Variants in SAFB observed in about 807,000 individuals in gnomAD.
SAFB encodes scaffold attachment factor B.
Under a neutral mutation model 101.6 loss-of-function variants are expected in SAFB, and 15 were observed. The ratio of observed to expected loss-of-function variants is 0.15; its 90% CI spans 0.10 to 0.23. The LOEUF (loss-of-function observed/expected upper bound fraction) is 0.23. SAFB is among the 10% of genes least tolerant of loss of function. SAFB has a pLI of 1.00. For synonymous variants in SAFB, 449 were observed against 407.5 expected, an observed-to-expected ratio of 1.10 and a Z score of -1.23; for missense variants, 930 against 1,104.1, an observed-to-expected ratio of 0.84 and a Z score of 2.23.
intron 14 of SAFB, among the ~76,000 whole-genome samples, chr19:5,660,341 C>A (rs1391552794): frequency 1.9e-5 from 2 of 107,158 alleles, no homozygotes; most frequent in African/African-American, 3.2e-5. Context: ...CCTGCACACA[C>A]CTTTTTTTTT....
intron 14 of SAFB, among the ~76,000 whole-genome samples, chr19:5,659,482 C>T (rs1401334586): frequency 6.6e-6 from 1 of 151,690 alleles, no homozygotes; most frequent in Non-Finnish European, 1.5e-5. Context: ...CCTGGGTTCA[C>T]ACCATTCTCC....
At chr19:5,652,054 G>A (rs1025160470) in intron 9 of SAFB, among the ~76,000 whole-genome samples, 4 of 152,124 alleles carry the variant, frequency 2.6e-5, no homozygotes, top group East Asian at 1.9e-4. Context: ...TTAGCCGGGC[G>A]TGGTGGCGCA....
At chr19:5,650,926 C>G in intron 8 of SAFB, 52 bp from the exon 9 acceptor site, 1 of 1,152,452 alleles carries the variant, frequency 8.7e-7, no homozygotes, top group Non-Finnish European at 1.3e-6. Flanking sequence ...GTCTCTAAGA[C>G]TCAAGATCTT....
intron 17 of SAFB, chr19:5,666,697 T>C: frequency 2.9e-6 from 1 of 344,082 alleles, no homozygotes; most frequent in Non-Finnish European, 5.4e-6. Context: ...TACTGTTGGC[T>C]CTGGGAACTA....
intron 2 of SAFB, 55 bp from the exon 3 acceptor site, chr19:5,641,539 G>A (rs920155423): frequency 2.1e-6 from 3 of 1,448,672 alleles, no homozygotes; most frequent in Non-Finnish European, 2.9e-6. Flanking sequence ...GGGCATTGTT[G>A]CTTCTGTAAA....
At chr19:5,662,966 G>A (rs780545026) in intron 15 of SAFB, among the ~76,000 whole-genome samples, 1 of 149,762 alleles carries the variant, frequency 6.7e-6, no homozygotes, top group Non-Finnish European at 1.5e-5. Flanking sequence ...TAAATCCATT[G>A]TAATTTGTTT....
chr19:5,655,480 A>C lies in SAFB; in HGVS notation c.1755+1024A>C, dbSNP rs1010993853. Among the ~76,000 whole-genome samples the C allele has an allele frequency of 1.8e-3, 269 of 149,932 alleles. 1 individual carries two copies. Among genetic ancestry groups the C allele is most frequent in the Admixed American group, 3.0e-3 (45 of 14,894 alleles). On this transcript the variant is annotated intron_variant, in intron 13 of 20. Transcript: ENST00000588852. ...ATCTCAAAAAAAAAAAAAAAAAAAA[A>C]CACACACCTATTATTTGCATGGTCT...
intron 14 of SAFB, among the ~76,000 whole-genome samples, chr19:5,658,414 A>AC (rs1331633054): frequency 6.6e-6 from 1 of 151,824 alleles, no homozygotes; most frequent in Admixed American, 6.6e-5. Flanking sequence ...AAAAGTAAGG[A>AC]CCCCCCTGGG....
chr19:5,651,621 C>T (rs576560601), intron 9 of SAFB, among the ~76,000 whole-genome samples: 14 of 152,272 alleles, frequency 9.2e-5, no homozygotes, highest in Middle Eastern at 3.4e-3. Context: ...TTCCTGAGCC[C>T]GTGAAGGTGG....
chr19:5,623,216 C>G lies in SAFB; in HGVS notation c.11C>G (p.Thr4Ser), dbSNP rs1246757204. 6.3e-7 allele frequency: 1 copy of G among 1,594,842 alleles called. No homozygotes were observed. Among genetic ancestry groups the G allele is most frequent in the African/African-American group, 1.3e-5 (1 of 74,500 alleles). The change falls in exon 1 of 21, where the codon ACT (threonine) becomes AGT (serine). Residue 4 changes from threonine (T) to serine (S), a missense_variant. Transcript: ENST00000588852. MAE[T>S]LSGLGDSGAA... ...GCCAGGGTCCCTGGAATGGCGGAGA[C>G]TCTGTCAGGCCTAGGTGATTCTGGA...
intron 2 of SAFB, among the ~76,000 whole-genome samples, chr19:5,641,089 C>G (rs906914358): frequency 1.6e-4 from 25 of 152,100 alleles, no homozygotes; most frequent in Admixed American, 1.5e-3. Flanking sequence ...AGGCTGGTCT[C>G]GAACTCCTGA....
At chr19:5,630,558 C>A (rs1241421115) in intron 2 of SAFB, among the ~76,000 whole-genome samples, 2 of 152,138 alleles carry the variant, frequency 1.3e-5, no homozygotes, top group Non-Finnish European at 2.9e-5. Context: ...GAGTTCAACA[C>A]CAGCCTGGCC....
chr19:5,642,427 CAG>C (rs1236313363), intron 4 of SAFB, among the ~76,000 whole-genome samples: 1 of 151,562 alleles, frequency 6.6e-6, no homozygotes, highest in Non-Finnish European at 1.5e-5. Context: ...GCCTGGGTGG[CAG>C]AGTCTGACAG....
Position 5,668,358 on chromosome 19 carries a change from T to C in SAFB, c.*67T>C. 1 of 1,517,018 alleles carries C rather than the reference T, an allele frequency of 6.6e-7. No homozygotes were observed. The highest frequency in any genetic ancestry group is 2.4e-4 in the Middle Eastern group (1 of 4,246). The allele number at this position is 1,517,018 out of a possible 1,614,324, so 94.0% of individuals were successfully genotyped here. A position where few individuals can be genotyped will look rare whatever the true frequency, so the allele number is the denominator to read the frequency against. On this transcript the variant is annotated 3_prime_UTR_variant, in exon 21 of 21. Transcript: ENST00000588852. ...TGTTCTGTTAGGAGTTACCTTAAAC[T>C]GTGTAAAAATATTTTTTTTTAATCT...
intron 2 of SAFB, among the ~76,000 whole-genome samples, chr19:5,632,309 A>G (rs1054260966): frequency 6.6e-6 from 1 of 152,122 alleles, no homozygotes; most frequent in Non-Finnish European, 1.5e-5. Context: ...GTCCCCAAAT[A>G]TTGCCATCTG....
At chr19:5,629,568 A>T (rs1025883913) in intron 2 of SAFB, among the ~76,000 whole-genome samples, 6 of 152,222 alleles carry the variant, frequency 3.9e-5, no homozygotes, top group African/African-American at 1.4e-4. Flanking sequence ...AATTTAGCCC[A>T]TCAGTCTTTT....
intron 2 of SAFB, 22 bp downstream of exon 2, chr19:5,626,511 A>G (rs2053364808): frequency 7.2e-7 from 1 of 1,391,438 alleles, no homozygotes; most frequent in East Asian, 2.3e-5. Flanking sequence ...TTCATAAGCA[A>G]GTTTCATGTT....
At chr19:5,646,519 G>A (rs902683751) in intron 5 of SAFB, among the ~76,000 whole-genome samples, 1 of 152,214 alleles carries the variant, frequency 6.6e-6, no homozygotes, top group African/African-American at 2.4e-5. Flanking sequence ...AAATAGGAAT[G>A]TATTTGCTTC....
chr19:5,664,726 A>AT, intron 17 of SAFB: 1 of 387,822 alleles, frequency 2.6e-6, no homozygotes. Context: ...GAACCTTGGG[A>AT]TGTGACCTGG....
Sources: gnomAD v4.1 joint callset for allele counts (sites outside exome capture counted in the v4.1 genomes callset) on GRCh38, gnomAD v4.1.1 for gene constraint, MANE v1.5 for transcripts, NCBI Gene and HGNC (gene_info 2026-07-23, HGNC 2026-07-21) for gene names.